HMCN1: variants seen among roughly 807,000 people sequenced by gnomAD.
HMCN1 encodes hemicentin-1.
In HMCN1, 321 loss-of-function variants were observed where a neutral mutation model predicts 625.9. The observed-to-expected ratio is 0.51, with a 90% CI of 0.47 to 0.56. The LOEUF is 0.56. Among genes scored for constraint, HMCN1 ranks in the 20% least tolerant of loss-of-function variants. The pLI, the probability that HMCN1 is intolerant of heterozygous loss-of-function variation, is 0.00. For synonymous variants in HMCN1, 2,425 were observed against 2,417.6 expected (o/e 1.00, Z -0.09); for missense variants, 6,588 against 6,887.3 (o/e 0.96, Z 1.54).
At chr1:185,768,052 A>G (rs1463602093) in intron 1 of HMCN1, among the ~76,000 whole-genome samples, 1 of 152,218 alleles carries the variant, frequency 6.6e-6, no homozygotes, top group Non-Finnish European at 1.5e-5. Flanking sequence ...GCCATAAAGG[A>G]TAATTCCTTT....
Position 186,069,772 on chromosome 1 carries a change from G to A in HMCN1, c.7989G>A (p.Val2663=). ...GEMIKHYEVK[V]YIPPIINKGD... is the part of the protein sequence containing the mutation. ...TGATAAAGCACTATGAAGTGAAGGT[G>A]TACAGTAAGTTCTGAAAGAATACTA... Residue 2663 remains valine, a synonymous_variant, in exon 51 of 107, where the codon GTG becomes GTA. Transcript: ENST00000271588. The A allele has an allele frequency of 6.2e-7, 1 of 1,601,204 alleles. No individual in the cohort carries two copies. The highest frequency in any genetic ancestry group is 2.2e-5 in the East Asian group (1 of 44,718).
intron 16 of HMCN1, 109 bp downstream of exon 16, chr1:185,978,090 A>T: frequency 1.3e-6 from 1 of 787,356 alleles, no homozygotes; most frequent in African/African-American, 1.8e-5. Flanking sequence ...TTGCCAACAC[A>T]TTTTATGTTC....
In HMCN1 at chr1:185,856,487, CA is replaced by C. The variant is rs58320542; in HGVS notation, c.340-7967del. On this transcript the variant is annotated intron_variant, in intron 2 of 106. Transcript: ENST00000271588. Reference sequence around the variant, plus strand: ...TGGGCGACAGAGCTAGACCCTGTCTCAAAAAAAAAAAAAAAAGGAAATTTTT... The same window carrying C: ...TGGGCGACAGAGCTAGACCCTGTCTCAAAAAAAAAAAAAAAGGAAATTTTT... 7.5e-3 allele frequency among the ~76,000 whole-genome samples: 766 copies of C among 102,716 alleles called. 4 individuals carry two copies. Among genetic ancestry groups the C allele is most frequent in the East Asian group, 0.015 (46 of 3,006 alleles). 67.4% of individuals were successfully genotyped at this position (102,716 alleles called of 152,430 possible).
At chr1:185,780,133 A>G (rs1466060930) in intron 1 of HMCN1, among the ~76,000 whole-genome samples, 15 of 152,126 alleles carry the variant, frequency 9.9e-5, no homozygotes, top group African/African-American at 2.7e-4. Flanking sequence ...TTCACTCATG[A>G]TTTGGCTCTC....
intron 2 of HMCN1, among the ~76,000 whole-genome samples, chr1:185,850,797 G>A (rs923798440): frequency 1.3e-5 from 2 of 150,316 alleles, no homozygotes; most frequent in Non-Finnish European, 3.0e-5. Flanking sequence ...CCCCTTTTCT[G>A]CACTTTCATA....
intron 105 of HMCN1, among the ~76,000 whole-genome samples, chr1:186,185,074 T>G (rs1282178715): frequency 6.6e-6 from 1 of 152,176 alleles, no homozygotes; most frequent in African/African-American, 2.4e-5. Context: ...GAAAGCTTTT[T>G]AATAGAAAGT....
intron 72 of HMCN1, among the ~76,000 whole-genome samples, chr1:186,113,544 GAGAATTACATGATTAATC>G (rs910464135): frequency 2.0e-4 from 31 of 152,312 alleles, no homozygotes; most frequent in African/African-American, 7.5e-4. Context: ...TGCATGCTCT[GAGAATTACATGATTAATC>G]ACAGATGTGC....
Position 186,095,338 on chromosome 1 carries a change from GCTC to G in HMCN1, c.10392_10394del (p.Pro3465del). The G allele has an allele frequency of 6.2e-7, 1 of 1,613,730 alleles. No individual in the cohort carries two copies. Among genetic ancestry groups the G allele is most frequent in the South Asian group, 1.1e-5 (1 of 91,088 alleles). ...GGCATGCATTACTGATGGAACCCCAGCTCCCAGTATGGCCTGGCTTAGAGATGG... is the reference window on the plus strand; with the variant it reads ...GGCATGCATTACTGATGGAACCCCAGCCAGTATGGCCTGGCTTAGAGATGG... On this transcript the variant is annotated inframe_deletion, in exon 68 of 107. Coordinates refer to ENST00000271588, the MANE Select transcript of HMCN1 (RefSeq NM_031935.3).
At chr1:185,872,596 G>GA (rs1663688448) in intron 4 of HMCN1, among the ~76,000 whole-genome samples, 1 of 151,988 alleles carries the variant, frequency 6.6e-6, no homozygotes, top group Non-Finnish European at 1.5e-5. Context: ...ATATCATTTA[G>GA]AAAAAATATA....
At chr1:185,921,119 T>A (rs907905314) in intron 6 of HMCN1, among the ~76,000 whole-genome samples, 1 of 152,088 alleles carries the variant, frequency 6.6e-6, no homozygotes. Flanking sequence ...CATTGACAAA[T>A]AATGGGATAA....
chr1:185,909,765 C>T (rs1666309309), intron 5 of HMCN1, among the ~76,000 whole-genome samples: 1 of 151,882 alleles, frequency 6.6e-6, no homozygotes. Flanking sequence ...TTTAAATGAT[C>T]CAAAATAAAA....
chr1:186,000,209 A>C lies in HMCN1; in HGVS notation c.4039A>C (p.Thr1347Pro). 1 of 1,613,100 alleles carries C rather than the reference A, an allele frequency of 6.2e-7. No individual in the cohort carries two copies. Among genetic ancestry groups the C allele is most frequent in the Non-Finnish European group, 8.5e-7 (1 of 1,179,358 alleles). ...TGTGGCAGTCAATGAAGCTGGAACCACAGAAAGAAAATATAACCTCAAAGT... is the reference window on the plus strand; with the variant it reads ...TGTGGCAGTCAATGAAGCTGGAACCCCAGAAAGAAAATATAACCTCAAAGT... ...ICVAVNEAGT[T>P]ERKYNLKVHV... Residue 1347 changes from threonine (T) to proline (P), a missense_variant, in exon 26 of 107, where the codon ACA (threonine) becomes CCA (proline). Around this residue, in one of 3 missense-constraint regions of HMCN1, gnomAD observed 4,628 missense variants for 4,853.1 expected, o/e 0.95. Transcript: ENST00000271588.
At chr1:185,809,485 A>C (rs2102242196) in intron 1 of HMCN1, among the ~76,000 whole-genome samples, 1 of 151,840 alleles carries the variant, frequency 6.6e-6, no homozygotes, top group South Asian at 2.1e-4. Flanking sequence ...GATTACATAT[A>C]TATATCACTA....
chr1:186,006,029 G>T (rs1260314371), intron 29 of HMCN1, among the ~76,000 whole-genome samples: 1 of 151,784 alleles, frequency 6.6e-6, no homozygotes, highest in Non-Finnish European at 1.5e-5. Context: ...CCAGCTACTT[G>T]GGAGGCCGAG....
intron 14 of HMCN1, among the ~76,000 whole-genome samples, chr1:185,968,042 G>A (rs752825902): frequency 9.2e-5 from 14 of 152,132 alleles, no homozygotes; most frequent in Non-Finnish European, 1.6e-4. Context: ...GTATATGTAT[G>A]GTAAAATATT....
intron 40 of HMCN1, 62 bp downstream of exon 40, chr1:186,041,198 G>A: frequency 6.9e-7 from 1 of 1,446,030 alleles, no homozygotes; most frequent in East Asian, 2.3e-5. Context: ...TAAAATCATT[G>A]AGAAAGTTAA....
At chr1:185,879,369 T>C (rs1036449093) in intron 4 of HMCN1, among the ~76,000 whole-genome samples, 6 of 151,990 alleles carry the variant, frequency 3.9e-5, no homozygotes, top group South Asian at 4.1e-4. Flanking sequence ...AGGGGGTCTT[T>C]CTATGTTGCC....
rs779697138 is a variant in HMCN1 at position 186,078,107 on chromosome 1, G to A, written c.8486G>A (p.Gly2829Glu). The change falls in exon 55 of 107, where the codon GGA becomes GAA. Residue 2829 changes from glycine to glutamate, a missense_variant and splice_region_variant. Transcript: ENST00000271588. ...TSSDKVLILP[G>E]GRVLQIPRAK... ...AAACATAGTGGGATATTATTTTCAG[G>A]AGGGCGAGTGTTGCAGATTCCTCGG... 3 of 1,609,008 alleles carry A rather than the reference G, an allele frequency of 1.9e-6. No individual in the cohort carries two copies. Among genetic ancestry groups the A allele is most frequent in the Non-Finnish European group, 2.6e-6 (3 of 1,175,770 alleles).
intron 11 of HMCN1, among the ~76,000 whole-genome samples, chr1:185,934,633 G>A (rs150406230): frequency 3.5e-4 from 53 of 152,286 alleles, no homozygotes; most frequent in African/African-American, 1.2e-3. Context: ...GTTTTTCACT[G>A]TTAAGCTGAA....
Sources: gnomAD v4.1 joint callset for allele counts (sites outside exome capture counted in the v4.1 genomes callset) on GRCh38, gnomAD v4.1.1 for gene constraint, gnomAD v4.1.1 regional missense constraint, MANE v1.5 for transcripts, NCBI Gene and HGNC (gene_info 2026-07-23, HGNC 2026-07-21) for gene names.